TLCD4: variants seen among roughly 807,000 people sequenced by gnomAD.
TLCD4 encodes the protein TLC domain-containing protein 4.
In TLCD4, 7 loss-of-function variants were observed where a neutral mutation model predicts 24.2. The observed-to-expected ratio is 0.29, with a 90% CI of 0.16 to 0.54. TLCD4 has a LOEUF of 0.54. Among genes scored for constraint, TLCD4 ranks in the 20% least tolerant of loss-of-function variants. The pLI, the probability that TLCD4 is intolerant of heterozygous loss-of-function variation, is 0.95. For missense variants in TLCD4, 259 were observed against 313.9 expected, an observed-to-expected ratio of 0.82 and a Z score of 1.32; for synonymous variants, 103 against 106.4, an observed-to-expected ratio of 0.97 and a Z score of 0.20.
chr1:95,121,042 T>G (rs1370703904), intron 1 of TLCD4: 1 of 152,178 alleles, frequency 6.6e-6, no homozygotes, highest in African/African-American at 2.4e-5. Flanking sequence ...GAGACTCATC[T>G]TGTGTCTGAC....
chr1:95,160,220 ACAT>A (rs1162531213), intron 5 of TLCD4, among the ~76,000 whole-genome samples: 2 of 152,184 alleles, frequency 1.3e-5, no homozygotes, highest in East Asian at 1.9e-4. Flanking sequence ...GAGGTCCTTC[ACAT>A]CCCTTGTAAG....
At chr1:95,114,130 G>T (rs888322840), upstream of TLCD4, among the ~76,000 whole-genome samples, 4 of 152,162 alleles carry the variant, frequency 2.6e-5, no homozygotes, top group Admixed American at 2.0e-4. Context: ...TGCAATATCA[G>T]CTCACTGCAG....
intron 5 of TLCD4, among the ~76,000 whole-genome samples, chr1:95,160,772 G>A (rs1267353483): frequency 1.3e-5 from 2 of 152,126 alleles, no homozygotes; most frequent in Non-Finnish European, 2.9e-5. Context: ...TGTGGTTTTC[G>A]TCTTTGGTTC....
intron 1 of TLCD4, among the ~76,000 whole-genome samples, chr1:95,140,896 A>G (rs933297024): frequency 2.6e-5 from 4 of 152,338 alleles, no homozygotes; most frequent in South Asian, 4.1e-4. Context: ...GTGAATGAAC[A>G]GGGGTAGCTG....
the TLCD4 span, among the ~76,000 whole-genome samples, chr1:95,100,054 C>T: frequency 2.0e-5 from 3 of 151,648 alleles, no homozygotes; most frequent in African/African-American, 4.8e-5. Context: ...GTGGGAGGAT[C>T]GCTTGAGCCT....
intron 5 of TLCD4, among the ~76,000 whole-genome samples, chr1:95,172,409 T>C (rs982482305): frequency 6.6e-6 from 1 of 152,202 alleles, no homozygotes; most frequent in Admixed American, 6.6e-5. Context: ...TGTGTTAAAG[T>C]AATAAAACCT....
intron 6 of TLCD4, among the ~76,000 whole-genome samples, chr1:95,178,884 C>A (rs1020835481): frequency 2.0e-5 from 3 of 152,158 alleles, no homozygotes; most frequent in Non-Finnish European, 4.4e-5. Flanking sequence ...ACATATTTCC[C>A]TCTATACTCA....
the TLCD4 span, among the ~76,000 whole-genome samples, chr1:95,093,686 C>T: frequency 6.6e-6 from 1 of 152,176 alleles, no homozygotes; most frequent in Non-Finnish European, 1.5e-5. Flanking sequence ...TATTCAGAAA[C>T]CTATTACCTG....
intron 6 of TLCD4, among the ~76,000 whole-genome samples, chr1:95,189,134 A>G (rs558984450): frequency 6.6e-6 from 1 of 152,166 alleles, no homozygotes; most frequent in East Asian, 1.9e-4. Context: ...GGTTCCCACT[A>G]TTTTTCATCA....
At chr1:95,160,113 C>T (rs1371457424) in intron 5 of TLCD4, among the ~76,000 whole-genome samples, 3 of 152,294 alleles carry the variant, frequency 2.0e-5, no homozygotes, top group Admixed American at 6.5e-5. Flanking sequence ...GCCATTTTCA[C>T]GATATTGATT....
chr1:95,168,554 CTTTTTTTTTT>C (rs34574043), intron 5 of TLCD4, among the ~76,000 whole-genome samples: 10 of 51,156 alleles, frequency 2.0e-4, no homozygotes, highest in South Asian at 1.3e-3. Context: ...TGTGAGTGAG[CTTTTTTTTTT>C]TTTTTTTTTT....
intron 1 of TLCD4, among the ~76,000 whole-genome samples, chr1:95,119,530 G>A (rs1331014010): frequency 6.6e-6 from 1 of 152,214 alleles, no homozygotes; most frequent in African/African-American, 2.4e-5. Flanking sequence ...AAATGGGAAA[G>A]GGGCTGGGTT....
intron 1 of TLCD4, chr1:95,120,264 A>G (rs1676535108): frequency 6.6e-6 from 1 of 152,236 alleles, no homozygotes; most frequent in Non-Finnish European, 1.5e-5. Flanking sequence ...GGATTACACC[A>G]GAGAATACAT....
intron 6 of TLCD4, among the ~76,000 whole-genome samples, chr1:95,178,244 G>A (rs1318677404): frequency 6.6e-6 from 1 of 151,152 alleles, no homozygotes; most frequent in Non-Finnish European, 1.5e-5. Context: ...ACTGCACCCG[G>A]CCTCTTTTTA....
At chr1:95,191,338 C>T (rs1182012987) in intron 6 of TLCD4, among the ~76,000 whole-genome samples, 3 of 152,178 alleles carry the variant, frequency 2.0e-5, no homozygotes, top group Non-Finnish European at 4.4e-5. Context: ...CTTTCACTAA[C>T]ACCATGCTGA....
intron 2 of TLCD4, among the ~76,000 whole-genome samples, chr1:95,147,425 A>G (rs1376093067): frequency 6.6e-6 from 1 of 152,180 alleles, no homozygotes; most frequent in Non-Finnish European, 1.5e-5. Flanking sequence ...CATGAAAATT[A>G]TAGACTTGTA....
chr1:95,177,814 T>C (rs142739664), intron 6 of TLCD4, among the ~76,000 whole-genome samples: 2 of 152,208 alleles, frequency 1.3e-5, no homozygotes, highest in African/African-American at 4.8e-5. Context: ...TATGTTCTTC[T>C]AAAAGCATCC....
intron 1 of TLCD4, among the ~76,000 whole-genome samples, chr1:95,132,372 G>A (rs1352839776): frequency 3.3e-5 from 5 of 149,756 alleles, no homozygotes; most frequent in Admixed American, 1.4e-4. Flanking sequence ...CACGAGAATC[G>A]CTTGAACCCA....
At chr1:95,137,383 T>G (rs1335949332) in intron 1 of TLCD4, among the ~76,000 whole-genome samples, 1 of 152,144 alleles carries the variant, frequency 6.6e-6, no homozygotes, top group African/African-American at 2.4e-5. Context: ...CCCTTCTTTT[T>G]AGGGATTTTT....
Sources: gnomAD v4.1 joint callset for allele counts (sites outside exome capture counted in the v4.1 genomes callset) on GRCh38, gnomAD v4.1.1 for gene constraint, MANE v1.5 for transcripts, NCBI Gene and HGNC (gene_info 2026-07-23, HGNC 2026-07-21) for gene names.